ADGRV1: variants seen among roughly 807,000 people sequenced by gnomAD.
The protein encoded by ADGRV1 is adhesion G protein-coupled receptor V1, also known as G-protein coupled receptor 98.
ADGRV1 carries 359 observed loss-of-function variants against 596.2 expected under a neutral mutation model. That is an observed-to-expected ratio of 0.60 (90% CI 0.55 to 0.66). The LOEUF (loss-of-function observed/expected upper bound fraction) is 0.66, where lower values mean the gene tolerates loss of function less well. ADGRV1 is among the 30% of genes least tolerant of loss of function. The pLI, the probability that ADGRV1 is intolerant of heterozygous loss-of-function variation, is 0.00. For missense variants in ADGRV1, 7,274 were observed against 7,575.6 expected (o/e 0.96, Z 1.48); for synonymous variants, 2,681 against 2,679.2 (o/e 1.00, Z -0.02).
intron 83 of ADGRV1, among the ~76,000 whole-genome samples, chr5:90,887,669 A>G (rs1484069986): frequency 6.6e-6 from 1 of 152,206 alleles, no homozygotes; most frequent in Non-Finnish European, 1.5e-5. Flanking sequence ...TTATATGGGA[A>G]ACAATTTGGG....
At chr5:90,926,842 C>T (rs1297008994) in intron 83 of ADGRV1, among the ~76,000 whole-genome samples, 4 of 151,618 alleles carry the variant, frequency 2.6e-5, no homozygotes, top group African/African-American at 4.9e-5. Context: ...TGTCTTTGTT[C>T]TCATTGGTTT....
intron 37 of ADGRV1, among the ~76,000 whole-genome samples, chr5:90,706,018 C>T (rs1748543176): frequency 6.6e-6 from 1 of 152,108 alleles, no homozygotes; most frequent in Admixed American, 6.5e-5. Flanking sequence ...TATCCAAATT[C>T]AAAGTCTAGA....
intron 76 of ADGRV1, among the ~76,000 whole-genome samples, chr5:90,827,432 A>G (rs1168277628): frequency 6.6e-6 from 1 of 152,174 alleles, no homozygotes; most frequent in Non-Finnish European, 1.5e-5. Context: ...ATTTCAGATG[A>G]TTCTTAACTT....
chr5:90,936,059 A>G (rs982272541), intron 83 of ADGRV1, among the ~76,000 whole-genome samples: 5 of 152,190 alleles, frequency 3.3e-5, no homozygotes, highest in Admixed American at 6.5e-5. Flanking sequence ...AGGCCTGAAA[A>G]TCTGCATTTG....
intron 83 of ADGRV1, among the ~76,000 whole-genome samples, chr5:90,955,768 G>T (rs527555180): frequency 6.6e-6 from 1 of 152,218 alleles, no homozygotes; most frequent in South Asian, 2.1e-4. Flanking sequence ...TGGGAATTCT[G>T]CTCTGTAGTT....
intron 84 of ADGRV1, among the ~76,000 whole-genome samples, chr5:90,979,983 C>A (rs1041951373): frequency 6.6e-6 from 1 of 152,170 alleles, no homozygotes; most frequent in Non-Finnish European, 1.5e-5. Context: ...CTTTGCAAAT[C>A]TTCCTTTTCC....
At chr5:90,992,899 G>A (rs979592357) in intron 85 of ADGRV1, among the ~76,000 whole-genome samples, 2 of 151,968 alleles carry the variant, frequency 1.3e-5, no homozygotes, top group South Asian at 4.2e-4. Context: ...TAGAAAAATT[G>A]CAAAAATTAT....
intron 83 of ADGRV1, among the ~76,000 whole-genome samples, chr5:90,942,154 A>G (rs1776213835): frequency 6.6e-6 from 1 of 152,230 alleles, no homozygotes; most frequent in Non-Finnish European, 1.5e-5. Flanking sequence ...CAAATATTTT[A>G]TGAAAGCTAA....
At chr5:90,644,337 G>C (rs963246959) in intron 14 of ADGRV1, among the ~76,000 whole-genome samples, 5 of 152,204 alleles carry the variant, frequency 3.3e-5, no homozygotes, top group Admixed American at 1.3e-4. Flanking sequence ...TTTTAGAGCA[G>C]TGTCTGTCTG....
intron 86 of ADGRV1, among the ~76,000 whole-genome samples, chr5:91,100,664 A>G (rs945333720): frequency 4.6e-5 from 7 of 152,246 alleles, no homozygotes; most frequent in Non-Finnish European, 8.8e-5. Flanking sequence ...AATGCCACAT[A>G]TAAAACTTCT....
chr5:91,076,068 T>C (rs1387667396), intron 86 of ADGRV1, among the ~76,000 whole-genome samples: 2 of 152,138 alleles, frequency 1.3e-5, no homozygotes, highest in Admixed American at 6.6e-5. Flanking sequence ...TGCAAGGGGC[T>C]TATCACCTTC....
At chr5:90,659,084 G>C (rs1769858266) in intron 21 of ADGRV1, among the ~76,000 whole-genome samples, 1 of 152,152 alleles carries the variant, frequency 6.6e-6, no homozygotes, top group South Asian at 2.1e-4. Flanking sequence ...TGGGATGTCT[G>C]CCTCTCTGGA....
chr5:91,090,822 G>T (rs1166945561), intron 86 of ADGRV1, among the ~76,000 whole-genome samples: 1 of 152,020 alleles, frequency 6.6e-6, no homozygotes, highest in African/African-American at 2.4e-5. Context: ...AAAATTGTGG[G>T]TCACACAGTG....
At chr5:90,656,130 A>G (rs1769375782) in intron 20 of ADGRV1, among the ~76,000 whole-genome samples, 1 of 152,214 alleles carries the variant, frequency 6.6e-6, no homozygotes, top group South Asian at 2.1e-4. Context: ...TAAGTAGTTA[A>G]CACTACAAGT....
At chr5:91,041,773 A>G (rs1165300885) in intron 85 of ADGRV1, among the ~76,000 whole-genome samples, 2 of 152,138 alleles carry the variant, frequency 1.3e-5, no homozygotes, top group African/African-American at 2.4e-5. Flanking sequence ...CTAGCTTAAC[A>G]TCAATATTAA....
intron 9 of ADGRV1, among the ~76,000 whole-genome samples, chr5:90,633,979 C>T (rs905717411): frequency 6.6e-6 from 1 of 152,108 alleles, no homozygotes; most frequent in African/African-American, 2.4e-5. Context: ...TGTGGAAAAT[C>T]AATTTAAATC....
At chr5:90,859,663 TC>T in intron 82 of ADGRV1, among the ~76,000 whole-genome samples, 1 of 152,142 alleles carries the variant, frequency 6.6e-6, no homozygotes, top group Non-Finnish European at 1.5e-5. Context: ...CACAACACTC[TC>T]CAATAGAGTT....
intron 86 of ADGRV1, among the ~76,000 whole-genome samples, chr5:91,076,995 TTACTC>T (rs745471232): frequency 3.3e-5 from 5 of 152,142 alleles, no homozygotes; most frequent in Non-Finnish European, 7.4e-5. Flanking sequence ...TTTCTTCTAT[TTACTC>T]TACCACGGAG....
chr5:91,058,079 C>G (rs1053075266), intron 85 of ADGRV1, among the ~76,000 whole-genome samples: 4 of 152,136 alleles, frequency 2.6e-5, no homozygotes, highest in Non-Finnish European at 4.4e-5. Flanking sequence ...AATATGGTCC[C>G]TGAAAACATT....
Sources: allele counts gnomAD v4.1 joint callset (sites outside exome capture counted in the v4.1 genomes callset), GRCh38; gene constraint gnomAD v4.1.1; transcripts MANE v1.5; gene names NCBI Gene and HGNC (gene_info 2026-07-23, HGNC 2026-07-21).